The following PAX8 variants were observed in gnomAD, a reference collection of about 807,000 sequenced individuals.
PAX8 encodes the protein paired box protein Pax-8.
Under a neutral mutation model 52.4 loss-of-function variants are expected in PAX8, and 15 were observed. That is an observed-to-expected ratio of 0.29 (90% CI 0.19 to 0.44). The LOEUF is 0.44. PAX8 is among the 20% of genes least tolerant of loss of function. The pLI, the probability that PAX8 is intolerant of heterozygous loss-of-function variation, is 1.00. For synonymous variants in PAX8, 284 were observed against 249.7 expected, an observed-to-expected ratio of 1.14 and a Z score of -1.29; for missense variants, 554 against 602.5, an observed-to-expected ratio of 0.92 and a Z score of 0.84.
At chr2:113,256,011 A>AAAAT (rs1553416880) in intron 2 of PAX8, among the ~76,000 whole-genome samples, 1 of 151,346 alleles carries the variant, frequency 6.6e-6, no homozygotes, top group Non-Finnish European at 1.5e-5. Flanking sequence ...AAAAAAAAAA[A>AAAAT]GTTCTCCAGT....
intron 9 of PAX8, among the ~76,000 whole-genome samples, chr2:113,229,939 A>G (rs1285208917): frequency 6.6e-6 from 1 of 152,164 alleles, no homozygotes; most frequent in African/African-American, 2.4e-5. Flanking sequence ...CTCTTCCTCC[A>G]TGAGAGAGAG....
chr2:113,247,337 A>C (rs1015678900), intron 2 of PAX8, among the ~76,000 whole-genome samples: 6 of 152,212 alleles, frequency 3.9e-5, no homozygotes, highest in Admixed American at 1.3e-4. Flanking sequence ...TCCTTTTGTA[A>C]AATGACGGCA....
At chr2:113,244,230 C>T (rs574939698) in intron 4 of PAX8, among the ~76,000 whole-genome samples, 197 bp downstream of exon 4, 4 of 152,002 alleles carry the variant, frequency 2.6e-5, no homozygotes, top group Non-Finnish European at 4.4e-5. Context: ...GGGAGGGTGC[C>T]CCATAGCATG....
chr2:113,224,562 AAAAG>A (rs1345094565), intron 10 of PAX8, among the ~76,000 whole-genome samples: 83 of 150,786 alleles, frequency 5.5e-4, no homozygotes, highest in African/African-American at 1.6e-3. Context: ...AAAAAAAAAA[AAAAG>A]GAAAGATGGA....
At chr2:113,253,390 C>A (rs769814239) in intron 2 of PAX8, among the ~76,000 whole-genome samples, 52 of 152,148 alleles carry the variant, frequency 3.4e-4, no homozygotes, top group Non-Finnish European at 6.2e-4. Flanking sequence ...TTGGAGATTT[C>A]CTCTTAGGTG....
In PAX8 at chr2:113,236,650, C is replaced by A. The variant is rs370594115; in HGVS notation, c.849G>T (p.Thr283=). 56 of 1,595,874 alleles carry A rather than the reference C, an allele frequency of 3.5e-5. No homozygotes were observed. In the Middle Eastern group the frequency reaches 1.6e-3, roughly 47 times the overall value. The part of the protein sequence containing the change: ...DGKATLTPSN[T]PLGRNLSTHQ... Reference sequence around the variant, plus strand: ...GAGTCGAGAGGTTGCGCCCCAGTGGCGTGTTGGAAGGGGTCAGGGTGGCCT... The same window carrying A: ...GAGTCGAGAGGTTGCGCCCCAGTGGAGTGTTGGAAGGGGTCAGGGTGGCCT... The change falls in exon 8 of 12, where the codon ACG becomes ACT. Residue 283 remains threonine (T), a synonymous_variant. Coordinates refer to ENST00000429538, the MANE Select transcript of PAX8 (RefSeq NM_003466.4).
At chr2:113,229,142 T>G (rs2104437615) in intron 9 of PAX8, among the ~76,000 whole-genome samples, 1 of 152,238 alleles carries the variant, frequency 6.6e-6, no homozygotes, top group African/African-American at 2.4e-5. Flanking sequence ...CACACACAAC[T>G]TCTTCCCTTC....
chr2:113,231,121 A>AACCCCTT (rs1689864333), intron 9 of PAX8, among the ~76,000 whole-genome samples: 1 of 152,220 alleles, frequency 6.6e-6, no homozygotes, highest in African/African-American at 2.4e-5. Flanking sequence ...CCCTCCATGT[A>AACCCCTT]ACCCCTTTTC....
intron 9 of PAX8, among the ~76,000 whole-genome samples, chr2:113,232,609 G>C (rs1689963723): frequency 6.6e-6 from 1 of 152,204 alleles, no homozygotes. Flanking sequence ...TTGGCCTGGA[G>C]AGTGGGCATG....
At chr2:113,253,969 G>A (rs1691993603) in intron 2 of PAX8, among the ~76,000 whole-genome samples, 1 of 152,148 alleles carries the variant, frequency 6.6e-6, no homozygotes, top group East Asian at 1.9e-4. Context: ...TCTATCACCA[G>A]ATAGAAAGCT....
chr2:113,256,614 GTGTATA>G (rs1452590396), intron 2 of PAX8, among the ~76,000 whole-genome samples: 25 of 141,410 alleles, frequency 1.8e-4, no homozygotes, highest in South Asian at 6.9e-4. Context: ...ATATGTGTGT[GTGTATA>G]TATATATATA....
In PAX8 at chr2:113,278,386, G is replaced by T; in HGVS notation, c.9C>A (p.His3Gln). The T allele has an allele frequency of 1.2e-6, 2 of 1,610,126 alleles. No individual in the cohort carries two copies. The highest frequency in any genetic ancestry group is 1.7e-6 in the Non-Finnish European group (2 of 1,178,026). The change falls in exon 2 of 12, where the codon CAC becomes CAA. Residue 3 changes from histidine to glutamine, a missense_variant. His to Gln is a conservative substitution (Grantham distance 24). Around this residue, in one of 2 missense-constraint regions of PAX8, gnomAD observed 109 missense variants for 192.7 expected, o/e 0.57. Transcript: ENST00000429538. MP[H>Q]NSIRSGHGGL... ...CGTTCTTACCAGATCTGATGGAGTTGTGAGGCATCGCCGGGGAGTCGCTCG... is the reference window on the plus strand; with the variant it reads ...CGTTCTTACCAGATCTGATGGAGTTTTGAGGCATCGCCGGGGAGTCGCTCG...
intron 7 of PAX8, chr2:113,239,073 T>TC (rs1361746532): frequency 6.6e-6 from 1 of 151,200 alleles, no homozygotes; most frequent in Non-Finnish European, 1.5e-5. Flanking sequence ...CCCTGCCCTT[T>TC]TTTTTTTTTT....
chr2:113,242,554 A>C, intron 5 of PAX8, 136 bp downstream of exon 5: 1 of 762,614 alleles, frequency 1.3e-6, no homozygotes, highest in East Asian at 2.5e-5. Context: ...CTCAGTCTAC[A>C]CATGGGTTTG....
At chr2:113,229,853 G>T (rs1689786756) in intron 9 of PAX8, among the ~76,000 whole-genome samples, 1 of 152,152 alleles carries the variant, frequency 6.6e-6, no homozygotes, top group South Asian at 2.1e-4. Flanking sequence ...GCAGGGACAG[G>T]TGGTGAGGGA....
rs769641249 is a variant in PAX8, at chr2:113,236,606, A to G, written c.893T>C (p.Val298Ala). 3 of 1,577,620 alleles carry G rather than the reference A, an allele frequency of 1.9e-6. No individual in the cohort carries two copies. Among genetic ancestry groups the G allele is most frequent in the Non-Finnish European group, 2.6e-6 (3 of 1,162,606 alleles). Reference sequence around the variant, plus strand: ...GGAGGCTCCGGGCGTTGTACCTGCCACCACGGGGTAGGTCTGGTGAGTCGA... The same window carrying G: ...GGAGGCTCCGGGCGTTGTACCTGCCGCCACGGGGTAGGTCTGGTGAGTCGA... Reference protein sequence around the residue: ...NLSTHQTYPVVADPHSPFAIK... With the variant: ...NLSTHQTYPVAADPHSPFAIK... Residue 298 changes from valine to alanine, a missense_variant, in exon 8 of 12, where the codon GTG becomes GCG. By Grantham distance (64) the Val-to-Ala change is moderately conservative (BLOSUM62 0). Coordinates refer to ENST00000429538, the MANE Select transcript of PAX8 (RefSeq NM_003466.4).
intron 9 of PAX8, among the ~76,000 whole-genome samples, chr2:113,234,885 A>G (rs1402505708): frequency 6.6e-6 from 1 of 152,208 alleles, no homozygotes; most frequent in Non-Finnish European, 1.5e-5. Context: ...ACTCCTCTCA[A>G]GTTGTTGAAT....
At chr2:113,252,141 A>G (rs561479298) in intron 2 of PAX8, among the ~76,000 whole-genome samples, 40 of 152,162 alleles carry the variant, frequency 2.6e-4, no homozygotes, top group Middle Eastern at 3.4e-3. Flanking sequence ...AAAAATTTCC[A>G]CTTAACTATC....
chr2:113,235,874 C>A, intron 8 of PAX8: 2 of 437,718 alleles, frequency 4.6e-6, no homozygotes, highest in Admixed American at 4.0e-5. Flanking sequence ...CGGCCTAGGA[C>A]CGGAGGCGCG....
Sources: gnomAD v4.1 joint callset for allele counts (sites outside exome capture counted in the v4.1 genomes callset) on GRCh38, gnomAD v4.1.1 for gene constraint, gnomAD v4.1.1 regional missense constraint, MANE v1.5 for transcripts, NCBI Gene and HGNC (gene_info 2026-07-23, HGNC 2026-07-21) for gene names.